CNOT6L: variants seen among roughly 807,000 people sequenced by gnomAD.
The protein encoded by CNOT6L is CCR4-NOT transcription complex subunit 6 like.
CNOT6L carries 7 observed loss-of-function variants against 64.0 expected under a neutral mutation model. The observed-to-expected ratio is 0.11, with a 90% confidence interval of 0.06 to 0.21. The LOEUF is 0.21. Among genes scored for constraint, CNOT6L ranks in the 10% least tolerant of loss-of-function variants. The pLI is 1.00. For synonymous variants in CNOT6L, 193 were observed against 243.4 expected (o/e 0.79, Z 1.93); for missense variants, 245 against 669.0 (o/e 0.37, Z 6.99).
At chr4:77,787,968 T>A (rs144883017) in intron 1 of CNOT6L, among the ~76,000 whole-genome samples, 1 of 152,324 alleles carries the variant, frequency 6.6e-6, no homozygotes, top group East Asian at 1.9e-4. Flanking sequence ...ATAAATCCTT[T>A]GTCTTTAAAG....
chr4:77,793,394 G>A (rs1360802874), intron 1 of CNOT6L, among the ~76,000 whole-genome samples: 1 of 152,114 alleles, frequency 6.6e-6, no homozygotes, highest in Admixed American at 6.6e-5. Context: ...AGTGTTTTAC[G>A]CGTCAGTAAT....
At chr4:77,810,035 G>A (rs1467451211) in intron 1 of CNOT6L, among the ~76,000 whole-genome samples, 1 of 151,870 alleles carries the variant, frequency 6.6e-6, no homozygotes, top group Non-Finnish European at 1.5e-5. Flanking sequence ...AATTGTATCT[G>A]TATCAAAATT....
chr4:77,797,240 A>T (rs376460177), intron 1 of CNOT6L, among the ~76,000 whole-genome samples: 18 of 152,198 alleles, frequency 1.2e-4, no homozygotes, highest in African/African-American at 4.1e-4. Context: ...ATATAAAAAA[A>T]AAACAAAAAC....
intron 1 of CNOT6L, among the ~76,000 whole-genome samples, chr4:77,776,706 G>C (rs555047480): frequency 1.3e-5 from 2 of 152,272 alleles, no homozygotes; most frequent in South Asian, 4.1e-4. Context: ...CAGCAGTTTC[G>C]TGAATGGACT....
upstream of CNOT6L, chr4:77,819,462 G>A (rs1242848352): frequency 6.8e-7 from 1 of 1,475,634 alleles, no homozygotes; most frequent in East Asian, 2.5e-5. Context: ...AACACCCACG[G>A]CGGGCCTCGC....
intron 1 of CNOT6L, among the ~76,000 whole-genome samples, chr4:77,780,523 A>C (rs1728741808): frequency 6.6e-6 from 1 of 152,158 alleles, no homozygotes; most frequent in Admixed American, 6.5e-5. Flanking sequence ...AATACTACAC[A>C]AGCTGCTTTG....
At chr4:77,811,906 A>G (rs901205476) in intron 1 of CNOT6L, among the ~76,000 whole-genome samples, 1 of 151,574 alleles carries the variant, frequency 6.6e-6, no homozygotes, top group Non-Finnish European at 1.5e-5. Context: ...CACAGCTAAC[A>G]TCTACTTAAT....
intron 4 of CNOT6L, among the ~76,000 whole-genome samples, chr4:77,757,850 G>A (rs572285356): frequency 1.1e-4 from 17 of 152,134 alleles, no homozygotes; most frequent in Admixed American, 7.9e-4. Flanking sequence ...ACAAGTGCCC[G>A]CCACCACGCC....
At chr4:77,760,817 C>T (rs1213989143) in intron 4 of CNOT6L, among the ~76,000 whole-genome samples, 1 of 142,786 alleles carries the variant, frequency 7.0e-6, no homozygotes. Context: ...CTGCCTCGGC[C>T]TCCTGAGTAG....
chr4:77,797,822 A>G (rs961700697), intron 1 of CNOT6L, among the ~76,000 whole-genome samples: 36 of 152,154 alleles, frequency 2.4e-4, no homozygotes, highest in African/African-American at 7.5e-4. Context: ...TCCTCCACAA[A>G]TAAGGGTGGG....
At chr4:77,723,699 T>C (rs926404224) in intron 11 of CNOT6L, among the ~76,000 whole-genome samples, 5 of 152,184 alleles carry the variant, frequency 3.3e-5, no homozygotes, top group African/African-American at 9.7e-5. Flanking sequence ...CACCAACTTA[T>C]ACCTTTATCC....
intron 1 of CNOT6L, among the ~76,000 whole-genome samples, chr4:77,804,257 G>A (rs576307466): frequency 2.6e-5 from 4 of 151,894 alleles, no homozygotes; most frequent in South Asian, 2.1e-4. Context: ...GTGAAACACC[G>A]TCTCTACTAA....
chr4:77,754,916 G>A (rs1488898934), intron 5 of CNOT6L, among the ~76,000 whole-genome samples: 4 of 21,128 alleles, frequency 1.9e-4, no homozygotes, highest in Admixed American at 5.2e-4. Flanking sequence ...AAAAAAAACC[G>A]GTTTCTAGAT....
chr4:77,787,455 C>A (rs912150058), intron 1 of CNOT6L, among the ~76,000 whole-genome samples: 1 of 152,100 alleles, frequency 6.6e-6, no homozygotes, highest in Non-Finnish European at 1.5e-5. Flanking sequence ...AATCCCTGTA[C>A]TTATATTAAA....
chr4:77,786,528 C>G (rs1226978047), intron 1 of CNOT6L, among the ~76,000 whole-genome samples: 2 of 152,114 alleles, frequency 1.3e-5, no homozygotes, highest in African/African-American at 4.8e-5. Flanking sequence ...GGCTGGAGTA[C>G]AGTGGGATTG....
chr4:77,744,908 G>C, intron 6 of CNOT6L, 33 bp from the exon 7 acceptor site: 1 of 1,568,914 alleles, frequency 6.4e-7, no homozygotes, highest in Non-Finnish European at 8.6e-7. Flanking sequence ...ACAGACAAAC[G>C]GGAGAAAATT....
At chr4:77,817,733 T>C (rs2110200479) in intron 1 of CNOT6L, among the ~76,000 whole-genome samples, 1 of 152,292 alleles carries the variant, frequency 6.6e-6, no homozygotes, top group East Asian at 1.9e-4. Flanking sequence ...CGCCCCTCCT[T>C]CTCTTCCCTC....
intron 4 of CNOT6L, among the ~76,000 whole-genome samples, chr4:77,760,550 G>T (rs757375927): frequency 6.7e-6 from 1 of 149,538 alleles, no homozygotes; most frequent in Non-Finnish European, 1.5e-5. Context: ...GCAAGCAGAA[G>T]AAATAAGAGC....
Position 77,760,860 on chromosome 4 carries a change from CTTTTTTTTTTTTTTTTTTT to C in CNOT6L, c.401-3928_401-3910del, listed in dbSNP as rs754195745. The stretch of plus-strand genomic sequence containing the variant: ...TACAGGTGCACACCACCATGCCTGG[CTTTTTTTTTTTTTTTTTTT>C]TTTTTTTTTTTTTTTTAAGGAAGAG... On this transcript the variant is annotated intron_variant, in intron 4 of 11. Coordinates refer to ENST00000504123, the MANE Select transcript of CNOT6L (RefSeq NM_144571.3). Among the ~76,000 whole-genome samples the C allele has an allele frequency of 1.2e-3, 37 of 29,982 alleles. 2 individuals carry two copies. Among genetic ancestry groups the C allele is most frequent in the Admixed American group, 5.9e-3 (9 of 1,538 alleles). 19.7% of individuals were successfully genotyped at this position (29,982 alleles called of 152,430 possible). A position where few individuals can be genotyped will look rare whatever the true frequency, so the allele number is the denominator to read the frequency against.
Sources: gnomAD v4.1 joint callset for allele counts (sites outside exome capture counted in the v4.1 genomes callset) on GRCh38, gnomAD v4.1.1 for gene constraint, MANE v1.5 for transcripts, NCBI Gene and HGNC (gene_info 2026-07-23, HGNC 2026-07-21) for gene names.